Variants in IFRD1 observed in about 807,000 individuals in gnomAD.
IFRD1 encodes the protein interferon related developmental regulator 1, also known as interferon-related developmental regulator 1.
A neutral mutation model predicts 52.9 loss-of-function variants in IFRD1; 35 were observed. That is an observed-to-expected ratio of 0.66 (90% CI 0.51 to 0.88). The LOEUF is 0.88. IFRD1 is among the 40% of genes least tolerant of loss of function. The pLI is 0.00. For missense variants in IFRD1, 517 were observed against 550.8 expected, an observed-to-expected ratio of 0.94 and a Z score of 0.61; for synonymous variants, 184 against 188.4, an observed-to-expected ratio of 0.98 and a Z score of 0.19.
intron 1 of IFRD1, among the ~76,000 whole-genome samples, chr7:112,436,989 C>T (rs1794714596): frequency 6.6e-6 from 1 of 152,086 alleles, no homozygotes; most frequent in Non-Finnish European, 1.5e-5. Flanking sequence ...CTAAAGAGAA[C>T]AGTTTTTTTT....
At chr7:112,471,251 A>G (rs1406842035) in intron 9 of IFRD1, among the ~76,000 whole-genome samples, 1 of 152,212 alleles carries the variant, frequency 6.6e-6, no homozygotes, top group Non-Finnish European at 1.5e-5. Context: ...ATAGGTAAAG[A>G]TGGCCCCATT....
At chr7:112,439,585 A>G (rs576036530) in intron 1 of IFRD1, among the ~76,000 whole-genome samples, 18 of 152,178 alleles carry the variant, frequency 1.2e-4, no homozygotes, top group African/African-American at 4.1e-4. Context: ...ATGTTCTTTA[A>G]CCCTTCTCTT....
chr7:112,466,194 T>C (rs183322419), intron 8 of IFRD1, among the ~76,000 whole-genome samples: 145 of 152,274 alleles, frequency 9.5e-4, no homozygotes, highest in Middle Eastern at 3.4e-3. Flanking sequence ...TAATAGGCTT[T>C]TGGAAGCTGT....
chr7:112,450,391 A>G (rs1795121015), upstream of IFRD1: 2 of 454,260 alleles, frequency 4.4e-6, no homozygotes, highest in South Asian at 2.1e-5. Flanking sequence ...GGAAGCGCTC[A>G]AGCCCCGCCC....
At position 112,475,642 on chromosome 7, in the gene IFRD1, T is replaced by A. The variant is rs540723869; in HGVS notation, c.*123T>A. ...ATAACTTTTGTAGCAGTGGTTATAT[T>A]GCTTATAATTTAATGTACAATACTA... On this transcript the variant is annotated 3_prime_UTR_variant, in exon 12 of 12. Coordinates refer to ENST00000403825, the MANE Select transcript of IFRD1 (RefSeq NM_001550.4). 1.5e-6 allele frequency: 1 copy of A among 668,576 alleles called. No individual in the cohort carries two copies. The highest frequency in any genetic ancestry group is 1.8e-5 in the African/African-American group (1 of 55,332). 41.4% of individuals were successfully genotyped at this position (668,576 alleles called of 1,614,324 possible).
chr7:112,444,420 G>A (rs1377091928), intron 1 of IFRD1, among the ~76,000 whole-genome samples: 1 of 152,046 alleles, frequency 6.6e-6, no homozygotes, highest in Non-Finnish European at 1.5e-5. Flanking sequence ...AACAAACAGG[G>A]ATCTCAAATT....
At chr7:112,446,242 C>G (rs1795029127), upstream of IFRD1, 1 of 208,542 alleles carries the variant, frequency 4.8e-6, no homozygotes, top group Non-Finnish European at 1.0e-5. Context: ...CATAAACGCT[C>G]CAGTACCACA....
In IFRD1 at chr7:112,455,764, T is replaced by C. The variant is rs1795275649; in HGVS notation, c.96T>C (p.Gly32=). The change falls in exon 2 of 12, where the codon GGT becomes GGC. Residue 32 remains glycine, a splice_region_variant and synonymous_variant. Transcript: ENST00000403825. The stretch of plus-strand genomic sequence containing the variant: ...CCTCTTTCCTCTTTTACCTAATAGG[T>C]GGCCAGCATCGAAATGTTCAGCCTT... The part of the protein sequence containing the change: ...GAAAATAATA[G]GQHRNVQPFS... The C allele has an allele frequency of 1.3e-6, 2 of 1,599,102 alleles. No individual in the cohort carries two copies. Among genetic ancestry groups the C allele is most frequent in the Non-Finnish European group, 1.7e-6 (2 of 1,166,486 alleles).
At chr7:112,463,830 A>G (rs1795527869) in intron 8 of IFRD1, among the ~76,000 whole-genome samples, 1 of 108,644 alleles carries the variant, frequency 9.2e-6, no homozygotes, top group East Asian at 2.6e-4. Flanking sequence ...GTATATACAT[A>G]TACATATATA....
chr7:112,475,180 A>C lies in IFRD1; in HGVS notation c.1267-250A>C, dbSNP rs558922000. On this transcript the variant is annotated intron_variant, in intron 11 of 11. Coordinates refer to ENST00000403825, the MANE Select transcript of IFRD1 (RefSeq NM_001550.4). The stretch of plus-strand genomic sequence containing the variant: ...TCACCGTGTTAGCCAGGATGGTCTC[A>C]ATCTCCTGACCTCGTGATTCGCCCA... Among the ~76,000 whole-genome samples the C allele has an allele frequency of 7.0e-4, 106 of 152,146 alleles. 1 individual carries two copies. The South Asian group carries it at 0.018, about 27-fold the overall frequency.
intron 8 of IFRD1, among the ~76,000 whole-genome samples, chr7:112,464,049 TTTTTA>T (rs1158176261): frequency 6.8e-5 from 9 of 133,226 alleles, no homozygotes; most frequent in South Asian, 5.1e-4. Context: ...TTTTTTTTTT[TTTTTA>T]AAATAAGCTT....
At position 112,462,392 on chromosome 7, in the gene IFRD1, T is replaced by C. The variant is rs1446178966; in HGVS notation, c.906+14T>C. The C allele has an allele frequency of 2.6e-6, 4 of 1,538,600 alleles. No individual in the cohort carries two copies. In the African/African-American group the frequency reaches 4.1e-5, roughly 16 times the overall value. On this transcript the variant is annotated intron_variant, in intron 8 of 11. Coordinates refer to ENST00000403825, the MANE Select transcript of IFRD1 (RefSeq NM_001550.4). ...GGAATAGAGAGTGTAAGTATCTAAC[T>C]GGCAGAGGAAAAAGCTTGTGTCACA...
chr7:112,425,041 T>C (rs1009903185), intron 1 of IFRD1, among the ~76,000 whole-genome samples: 6 of 152,174 alleles, frequency 3.9e-5, no homozygotes, highest in African/African-American at 1.4e-4. Context: ...CTCACTCTGT[T>C]GCCCAGGCTG....
At chr7:112,457,129 C>T (rs1795315091) in intron 4 of IFRD1, 91 bp downstream of exon 4, 2 of 1,308,732 alleles carry the variant, frequency 1.5e-6, no homozygotes, top group African/African-American at 1.5e-5. Context: ...CACTGGAACA[C>T]TGGCCCACTC....
At chr7:112,475,182 TCTC>T (rs1316314134) in intron 11 of IFRD1, among the ~76,000 whole-genome samples, 2 of 152,092 alleles carry the variant, frequency 1.3e-5, no homozygotes, top group Admixed American at 1.3e-4. Context: ...ATGGTCTCAA[TCTC>T]CTGACCTCGT....
chr7:112,475,348 C>T, intron 11 of IFRD1, 82 bp from the exon 12 acceptor site: 2 of 776,188 alleles, frequency 2.6e-6, no homozygotes, highest in Non-Finnish European at 4.4e-6. Flanking sequence ...CATTTCTTTT[C>T]TTTGTGACTT....
intron 1 of IFRD1, among the ~76,000 whole-genome samples, chr7:112,440,803 AACTG>A (rs1389124808): frequency 2.0e-5 from 3 of 152,328 alleles, no homozygotes; most frequent in African/African-American, 7.2e-5. Flanking sequence ...AAGAAATAAA[AACTG>A]ACTGGACCTA....
chr7:112,428,751 A>G (rs1327512734), intron 1 of IFRD1, among the ~76,000 whole-genome samples: 4 of 152,128 alleles, frequency 2.6e-5, no homozygotes, highest in African/African-American at 7.2e-5. Context: ...TTGAATCTGT[A>G]TTCTTTTTCT....
rs770657512 is a variant in IFRD1, at chr7:112,456,070, C to T, written c.268C>T (p.Leu90=). 8.7e-6 allele frequency: 14 copies of T among 1,600,258 alleles called. No homozygotes were observed. Among genetic ancestry groups the T allele is most frequent in the Non-Finnish European group, 1.2e-5 (14 of 1,167,490 alleles). The part of the protein sequence containing the change: ...LEYKLKGLID[L]TLDKSAKTRQ... ...GTACAAGTTGAAGGGATTAATTGAC[C>T]TAACCCTGGATAAGAGGTAGGCAAT... The change falls in exon 3 of 12, where the codon CTA becomes TTA. Residue 90 remains leucine (L), a synonymous_variant. Coordinates refer to ENST00000403825, the MANE Select transcript of IFRD1 (RefSeq NM_001550.4).
Sources: allele counts gnomAD v4.1 joint callset (sites outside exome capture counted in the v4.1 genomes callset), GRCh38; gene constraint gnomAD v4.1.1; transcripts MANE v1.5; gene names NCBI Gene and HGNC (gene_info 2026-07-23, HGNC 2026-07-21).